GRIK1: variants seen among roughly 807,000 people sequenced by gnomAD.
GRIK1 encodes the protein glutamate receptor ionotropic, kainate 1.
GRIK1 carries 69 observed loss-of-function variants against 105.7 expected under a neutral mutation model. The ratio of observed to expected loss-of-function variants is 0.65; its 90% CI spans 0.54 to 0.80. The LOEUF is 0.80. GRIK1 is among the 30% of genes least tolerant of loss of function. GRIK1 has a pLI of 0.00. For synonymous variants in GRIK1, 438 were observed against 431.3 expected (o/e 1.02, Z -0.19); for missense variants, 1,109 against 1,167.3 (o/e 0.95, Z 0.73).
At chr21:29,560,541 T>C (rs1482802347) in intron 15 of GRIK1, among the ~76,000 whole-genome samples, 1 of 111,006 alleles carries the variant, frequency 9.0e-6, no homozygotes, top group Non-Finnish European at 1.8e-5. Flanking sequence ...TCTTTCTTTC[T>C]TTCTTTCTTT....
intron 7 of GRIK1, among the ~76,000 whole-genome samples, chr21:29,635,282 T>A (rs1284670175): frequency 6.6e-6 from 1 of 152,150 alleles, no homozygotes; most frequent in Non-Finnish European, 1.5e-5. Flanking sequence ...ATAAAGGAAG[T>A]GTTCTCCAGA....
chr21:29,920,571 G>A (rs1198748578), intron 1 of GRIK1, among the ~76,000 whole-genome samples: 4 of 151,916 alleles, frequency 2.6e-5, no homozygotes, highest in East Asian at 1.9e-4. Context: ...AATATTTGTC[G>A]TAGTTTAGAA....
intron 1 of GRIK1, among the ~76,000 whole-genome samples, chr21:29,719,478 TA>T (rs889147886): frequency 1.3e-5 from 2 of 152,234 alleles, no homozygotes; most frequent in African/African-American, 4.8e-5. Flanking sequence ...CATTTCTTTG[TA>T]AAAAATATAA....
At chr21:29,616,278 G>A (rs966059133) in intron 7 of GRIK1, among the ~76,000 whole-genome samples, 6 of 151,994 alleles carry the variant, frequency 3.9e-5, no homozygotes, top group African/African-American at 4.8e-5. Flanking sequence ...TGAGGGATAC[G>A]GTACTCTCTT....
chr21:29,609,125 GTAT>G (rs1330986416), intron 7 of GRIK1, among the ~76,000 whole-genome samples: 1 of 149,122 alleles, frequency 6.7e-6, no homozygotes, highest in Non-Finnish European at 1.5e-5. Context: ...AGATAAAAAG[GTAT>G]TATTAAATAA....
rs363479 is a variant in GRIK1, at chr21:29,581,901, C to T, written c.1794-358G>A. On this transcript the variant is annotated intron_variant, in intron 12 of 17. Transcript: ENST00000327783. ...CCCAAGTATTTACCCCACCAAGTAG[C>T]GACGAATGTGACACACACTTGTTGC... is the stretch of plus-strand genomic sequence containing the variant. Among the ~76,000 whole-genome samples, 847 of 152,214 alleles carry T rather than the reference C, an allele frequency of 5.6e-3. 26 individuals carry two copies. The highest frequency in any genetic ancestry group is 0.042 in the Admixed American group (646 of 15,294).
chr21:29,650,407 T>A (rs762000495), intron 6 of GRIK1, among the ~76,000 whole-genome samples: 1 of 152,200 alleles, frequency 6.6e-6, no homozygotes, highest in Non-Finnish European at 1.5e-5. Flanking sequence ...GGAAGCATTT[T>A]AAAAAATTAT....
At chr21:29,581,266 G>A (rs2091017686) in intron 13 of GRIK1, among the ~76,000 whole-genome samples, 159 bp downstream of exon 13, 1 of 152,022 alleles carries the variant, frequency 6.6e-6, no homozygotes, top group African/African-American at 2.4e-5. Flanking sequence ...CATTGGTTTT[G>A]CTTCATCTTC....
chr21:29,558,302 C>G (rs2090306553), intron 15 of GRIK1, among the ~76,000 whole-genome samples: 2 of 151,016 alleles, frequency 1.3e-5, no homozygotes, highest in Non-Finnish European at 2.9e-5. Context: ...GTTGTTGTTG[C>G]TTAAATGAAG....
chr21:29,831,361 T>A (rs1255165721), intron 1 of GRIK1, among the ~76,000 whole-genome samples: 1 of 152,188 alleles, frequency 6.6e-6, no homozygotes, highest in Non-Finnish European at 1.5e-5. Flanking sequence ...AACTTTTGCA[T>A]ACGCTATGCC....
chr21:29,648,953 GAAGA>G (rs1185219387), intron 6 of GRIK1, among the ~76,000 whole-genome samples: 11 of 152,224 alleles, frequency 7.2e-5, no homozygotes, highest in African/African-American at 2.7e-4. Flanking sequence ...TTAACGTAGA[GAAGA>G]AAGAGTTTAA....
chr21:29,697,453 C>A (rs544455519), intron 1 of GRIK1, among the ~76,000 whole-genome samples: 17 of 152,244 alleles, frequency 1.1e-4, no homozygotes, highest in Non-Finnish European at 1.6e-4. Flanking sequence ...TGTAGGTGAA[C>A]TGTTTTGTCA....
chr21:29,581,152 C>T (rs902433762), intron 13 of GRIK1, among the ~76,000 whole-genome samples: 7 of 152,036 alleles, frequency 4.6e-5, no homozygotes, highest in Non-Finnish European at 1.0e-4. Flanking sequence ...AATTTGTAAA[C>T]GATTTCTAAG....
At chr21:29,779,335 AGTGTGTGT>A (rs3054347) in intron 1 of GRIK1, among the ~76,000 whole-genome samples, 11,480 of 149,586 alleles carry the variant, frequency 0.077, 466 homozygotes, top group Admixed American at 0.11. Context: ...TCAGTGAGTG[AGTGTGTGT>A]GTGTGTGTGT....
intron 1 of GRIK1, among the ~76,000 whole-genome samples, chr21:29,747,993 CAATAA>C (rs2065089355): frequency 6.6e-6 from 1 of 152,164 alleles, no homozygotes. Flanking sequence ...TCATCTCAAA[CAATAA>C]AATAAAAGAG....
intron 1 of GRIK1, among the ~76,000 whole-genome samples, chr21:29,747,317 G>T (rs937527569): frequency 6.6e-6 from 1 of 152,274 alleles, no homozygotes; most frequent in Non-Finnish European, 1.5e-5. Flanking sequence ...CCTGGCTAGG[G>T]AGTAAGAGCA....
At chr21:29,796,712 G>T (rs2066567959) in intron 1 of GRIK1, among the ~76,000 whole-genome samples, 1 of 152,120 alleles carries the variant, frequency 6.6e-6, no homozygotes. Context: ...ACTTTGGGAG[G>T]CCGAGGTGAG....
intron 1 of GRIK1, among the ~76,000 whole-genome samples, chr21:29,810,403 T>G (rs2145887807): frequency 8.7e-6 from 1 of 114,480 alleles, no homozygotes; most frequent in Non-Finnish European, 1.8e-5. Flanking sequence ...GTGAGCACAT[T>G]GTGTTGGAAA....
At chr21:29,765,842 T>C (rs1228076871) in intron 1 of GRIK1, among the ~76,000 whole-genome samples, 1 of 151,496 alleles carries the variant, frequency 6.6e-6, no homozygotes, top group Non-Finnish European at 1.5e-5. Context: ...TTAAATTTTA[T>C]CTAAGAAAAT....
Sources: allele counts gnomAD v4.1 joint callset (sites outside exome capture counted in the v4.1 genomes callset), GRCh38; gene constraint gnomAD v4.1.1; transcripts MANE v1.5; gene names NCBI Gene and HGNC (gene_info 2026-07-23, HGNC 2026-07-21).